OSBPL1A: variants seen among roughly 807,000 people sequenced by gnomAD.
OSBPL1A encodes the protein oxysterol-binding protein-related protein 1.
Under a neutral mutation model 137.1 loss-of-function variants are expected in OSBPL1A, and 80 were observed. The observed-to-expected ratio is 0.58, with a 90% CI of 0.49 to 0.70. The LOEUF (loss-of-function observed/expected upper bound fraction) is 0.70. OSBPL1A is among the 30% of genes least tolerant of loss of function. The pLI, the probability that OSBPL1A is intolerant of heterozygous loss-of-function variation, is 0.00. For synonymous variants in OSBPL1A, 365 were observed against 389.7 expected, an observed-to-expected ratio of 0.94 and a Z score of 0.75; for missense variants, 970 against 1,129.4, an observed-to-expected ratio of 0.86 and a Z score of 2.02.
chr18:24,203,847 T>C (rs945824020), intron 17 of OSBPL1A, among the ~76,000 whole-genome samples: 1 of 147,130 alleles, frequency 6.8e-6, no homozygotes. Context: ...GCACGCAAAT[T>C]TGTTGATGTC....
At chr18:24,251,388 C>T (rs76043912) in intron 15 of OSBPL1A, among the ~76,000 whole-genome samples, 9 of 152,170 alleles carry the variant, frequency 5.9e-5, no homozygotes, top group African/African-American at 2.2e-4. Context: ...ACACCCAGTT[C>T]CAGGTGGCCG....
At chr18:24,354,211 C>T (rs1201512629) in intron 4 of OSBPL1A, among the ~76,000 whole-genome samples, 1 of 152,058 alleles carries the variant, frequency 6.6e-6, no homozygotes, top group Non-Finnish European at 1.5e-5. Context: ...ACCTCAAGGT[C>T]TCCTTCCCCT....
chr18:24,337,272 A>C (rs1271035331), intron 5 of OSBPL1A, among the ~76,000 whole-genome samples: 7 of 152,130 alleles, frequency 4.6e-5, no homozygotes, highest in Non-Finnish European at 1.5e-5. Flanking sequence ...AATTAAGAGA[A>C]TCACTTGAGG....
chr18:24,165,131 C>G lies in OSBPL1A; in HGVS notation c.2684G>C (p.Arg895Pro). 1 of 1,613,958 alleles carries G rather than the reference C, an allele frequency of 6.2e-7. No individual in the cohort carries two copies. Reference sequence around the variant, plus strand: ...GGCTGCTCTTTGTTTTTCCTCAAGTCGTTTTTTTTCTTCACTAGCTTGATC... The same window carrying G: ...GGCTGCTCTTTGTTTTTCCTCAAGTGGTTTTTTTTCTTCACTAGCTTGATC... ...EIDQASEEKK[R>P]LEEKQRAARK... is the part of the protein sequence containing the mutation. The change falls in exon 27 of 28, where the codon CGA becomes CCA. Residue 895 changes from arginine to proline, a missense_variant. Arg to Pro is a moderately radical substitution (Grantham distance 103). Transcript: ENST00000319481.
At chr18:24,333,377 A>G (rs1051898365) in intron 6 of OSBPL1A, among the ~76,000 whole-genome samples, 4 of 152,172 alleles carry the variant, frequency 2.6e-5, no homozygotes, top group Non-Finnish European at 4.4e-5. Flanking sequence ...AGATTTCACA[A>G]TGATTTACAT....
intron 16 of OSBPL1A, among the ~76,000 whole-genome samples, chr18:24,230,214 C>T (rs751693976): frequency 3.3e-5 from 5 of 152,094 alleles, no homozygotes; most frequent in Admixed American, 6.5e-5. Flanking sequence ...AGGGTTAGGC[C>T]ACGACACTCA....
intron 5 of OSBPL1A, among the ~76,000 whole-genome samples, chr18:24,336,864 G>C (rs2091183875): frequency 6.6e-6 from 1 of 152,138 alleles, no homozygotes; most frequent in African/African-American, 2.4e-5. Flanking sequence ...TCAATGATTA[G>C]GGCAAATATT....
intron 18 of OSBPL1A, 50 bp from the exon 19 acceptor site, chr18:24,181,329 A>C (rs2145924172): frequency 1.9e-6 from 3 of 1,569,708 alleles, no homozygotes; most frequent in Non-Finnish European, 2.6e-6. Context: ...CATAACAAAC[A>C]AACCTATTGT....
At chr18:24,285,621 C>A (rs1283809639) in intron 14 of OSBPL1A, among the ~76,000 whole-genome samples, 1 of 152,014 alleles carries the variant, frequency 6.6e-6, no homozygotes, top group African/African-American at 2.4e-5. Context: ...CCATCCTTAC[C>A]CTTCTGGTAA....
chr18:24,249,784 G>A (rs66606697), intron 15 of OSBPL1A, among the ~76,000 whole-genome samples: 12,597 of 152,208 alleles, frequency 0.083, 663 homozygotes, highest in African/African-American at 0.15. Flanking sequence ...GTCACCCGCG[G>A]CCAAAGTCCT....
chr18:24,304,282 C>G (rs774883027), intron 13 of OSBPL1A, among the ~76,000 whole-genome samples: 1 of 152,086 alleles, frequency 6.6e-6, no homozygotes, highest in Non-Finnish European at 1.5e-5. Flanking sequence ...TTATAGAAAG[C>G]ATTCTTCCTT....
chr18:24,335,519 A>G (rs1480926236), intron 5 of OSBPL1A, among the ~76,000 whole-genome samples: 1 of 152,218 alleles, frequency 6.6e-6, no homozygotes, highest in Non-Finnish European at 1.5e-5. Flanking sequence ...TGTCGGTAAG[A>G]TCTAATTTCT....
chr18:24,294,178 A>G (rs1264508425), intron 14 of OSBPL1A, among the ~76,000 whole-genome samples: 1 of 151,450 alleles, frequency 6.6e-6, no homozygotes, highest in African/African-American at 2.4e-5. Flanking sequence ...ATTTTAGTGC[A>G]CCCATCACCT....
At chr18:24,210,218 A>G (rs1169352403) in intron 17 of OSBPL1A, among the ~76,000 whole-genome samples, 3 of 152,092 alleles carry the variant, frequency 2.0e-5, no homozygotes, top group Non-Finnish European at 2.9e-5. Context: ...TGAGGTCAGG[A>G]GTTCAAGACC....
chr18:24,204,554 GTTTC>G (rs1329249583), intron 17 of OSBPL1A, among the ~76,000 whole-genome samples: 3 of 95,814 alleles, frequency 3.1e-5, no homozygotes, highest in African/African-American at 1.0e-4. Flanking sequence ...CCCTAAAGCT[GTTTC>G]TTTTTTTTTT....
chr18:24,313,753 G>A (rs531055833), intron 12 of OSBPL1A, among the ~76,000 whole-genome samples: 1 of 152,256 alleles, frequency 6.6e-6, no homozygotes, highest in South Asian at 2.1e-4. Context: ...AATACCTGCA[G>A]GTACATGTTG....
At chr18:24,163,732 C>CT (rs57777453) in intron 27 of OSBPL1A, among the ~76,000 whole-genome samples, 318 of 145,196 alleles carry the variant, frequency 2.2e-3, no homozygotes, top group Middle Eastern at 7.4e-3. Flanking sequence ...CTTCAAACTC[C>CT]TTTTTTTTTT....
At chr18:24,326,978 G>C (rs150172211) in intron 7 of OSBPL1A, among the ~76,000 whole-genome samples, 55 of 152,126 alleles carry the variant, frequency 3.6e-4, no homozygotes, top group African/African-American at 1.3e-3. Flanking sequence ...TTCTAAAATA[G>C]GCCTGAAAAT....
chr18:24,356,342 A>C (rs915960447), intron 4 of OSBPL1A, among the ~76,000 whole-genome samples: 1 of 152,176 alleles, frequency 6.6e-6, no homozygotes, highest in Non-Finnish European at 1.5e-5. Flanking sequence ...TCCCAAAGGG[A>C]CCAATGATCA....
Sources: gnomAD v4.1 joint callset for allele counts (sites outside exome capture counted in the v4.1 genomes callset) on GRCh38, gnomAD v4.1.1 for gene constraint, MANE v1.5 for transcripts, NCBI Gene and HGNC (gene_info 2026-07-23, HGNC 2026-07-21) for gene names.